GLYR1: variants seen among roughly 807,000 people sequenced by gnomAD.
GLYR1 encodes the protein cytokine-like nuclear factor N-PAC.
A neutral mutation model predicts 72.7 loss-of-function variants in GLYR1; 21 were observed. That is an observed-to-expected ratio of 0.29 (90% CI 0.20 to 0.42). GLYR1 has a LOEUF of 0.42. Ranked by LOEUF, GLYR1 falls within the 10% of genes least tolerant of loss-of-function variation. GLYR1 has a pLI of 1.00. For missense variants in GLYR1, 594 were observed against 712.1 expected, an observed-to-expected ratio of 0.83 and a Z score of 1.89; for synonymous variants, 392 against 270.2, an observed-to-expected ratio of 1.45 and a Z score of -4.42.
rs781087981 is a variant in GLYR1, at chr16:4,805,211, G to C, written c.*25C>G. 2 of 1,607,816 alleles carry C rather than the reference G, an allele frequency of 1.2e-6. No homozygotes were observed. Among genetic ancestry groups the C allele is most frequent in the Non-Finnish European group, 8.5e-7 (1 of 1,174,844 alleles). Reference sequence around the variant, plus strand: ...AGAGGGGGTCAGAGGGGGGATTGGAGGGGTGAGGGCGGGGTGTCGACAGCT... The same window carrying C: ...AGAGGGGGTCAGAGGGGGGATTGGACGGGTGAGGGCGGGGTGTCGACAGCT... On this transcript the variant is annotated 3_prime_UTR_variant, in exon 16 of 16. Transcript: ENST00000321919.
chr16:4,833,197 T>C (rs776208374), intron 3 of GLYR1: 4 of 260,848 alleles, frequency 1.5e-5, no homozygotes, highest in Non-Finnish European at 2.9e-5. Context: ...ATTTCCACAA[T>C]CGTCTATCAG....
chr16:4,837,172 C>G (rs1215212181), intron 3 of GLYR1, among the ~76,000 whole-genome samples: 1 of 152,204 alleles, frequency 6.6e-6, no homozygotes, highest in East Asian at 1.9e-4. Flanking sequence ...TGCGGTGGCT[C>G]ATGCCTGAAT....
At chr16:4,807,276 T>G (rs2083048753) in intron 15 of GLYR1, among the ~76,000 whole-genome samples, 1 of 151,918 alleles carries the variant, frequency 6.6e-6, no homozygotes. Flanking sequence ...TATGCCCGGC[T>G]AATTTTTGGT....
chr16:4,822,359 TTA>T (rs2084089222), intron 7 of GLYR1, among the ~76,000 whole-genome samples: 1 of 152,006 alleles, frequency 6.6e-6, no homozygotes, highest in African/African-American at 2.4e-5. Context: ...AGTGCTGGGA[TTA>T]TAGGCATGAG....
At chr16:4,812,032 A>C (rs1171730463) in intron 13 of GLYR1, 54 bp downstream of exon 13, 1 of 1,580,436 alleles carries the variant, frequency 6.3e-7, no homozygotes, top group African/African-American at 1.4e-5. Flanking sequence ...CATCAGTGTG[A>C]AACAGAGGAG....
intron 12 of GLYR1, among the ~76,000 whole-genome samples, chr16:4,812,815 G>A (rs1265005048): frequency 6.8e-6 from 1 of 147,346 alleles, no homozygotes. Context: ...TTGTTTTTTT[G>A]AGACAGAGTC....
intron 10 of GLYR1, among the ~76,000 whole-genome samples, chr16:4,817,312 G>A (rs1289908599): frequency 6.6e-6 from 1 of 151,840 alleles, no homozygotes; most frequent in African/African-American, 2.4e-5. Flanking sequence ...GTAGAGACGG[G>A]GTTTCACCGT....
At chr16:4,809,574 T>G (rs2083206671) in intron 15 of GLYR1, among the ~76,000 whole-genome samples, 2 of 146,750 alleles carry the variant, frequency 1.4e-5, no homozygotes, top group South Asian at 4.3e-4. Flanking sequence ...ATCGTGCCAC[T>G]GTACTCCAGC....
intron 3 of GLYR1, among the ~76,000 whole-genome samples, chr16:4,838,918 G>C (rs182446975): frequency 6.6e-6 from 1 of 152,076 alleles, no homozygotes; most frequent in African/African-American, 2.4e-5. Context: ...ACAGGGTCCT[G>C]CTCTGTCACC....
intron 1 of GLYR1, chr16:4,846,913 G>A (rs2086164686): frequency 4.7e-6 from 2 of 429,838 alleles, no homozygotes; most frequent in Admixed American, 4.6e-5. Flanking sequence ...CCCGGGGACC[G>A]GTCGTCCGGG....
rs188316334 is a variant in GLYR1 at position 4,829,159 on chromosome 16, C to T, written c.537+2820G>A. 8.5e-5 allele frequency among the ~76,000 whole-genome samples: 13 copies of T among 152,190 alleles called. No homozygotes were observed. In the East Asian group the frequency reaches 1.9e-3, roughly 23 times the overall value. Reference sequence around the variant, plus strand: ...ACCCTTGCTCTCACCACTCCCTCAGCCTGAGGTCATCTAACAGTGAGAAGG... The same window carrying T: ...ACCCTTGCTCTCACCACTCCCTCAGTCTGAGGTCATCTAACAGTGAGAAGG... On this transcript the variant is annotated intron_variant, in intron 5 of 15. Coordinates refer to ENST00000321919, the MANE Select transcript of GLYR1 (RefSeq NM_032569.4).
intron 3 of GLYR1, among the ~76,000 whole-genome samples, chr16:4,840,602 A>C (rs759017532): frequency 2.0e-5 from 3 of 152,082 alleles, no homozygotes; most frequent in Non-Finnish European, 4.4e-5. Context: ...TCCATACTTA[A>C]AGGCATCCTG....
intron 3 of GLYR1, chr16:4,839,671 G>A (rs2085403759): frequency 6.6e-6 from 1 of 152,184 alleles, no homozygotes; most frequent in Admixed American, 6.5e-5. Flanking sequence ...AGGAAGGTCT[G>A]GCCCTCTCCT....
chr16:4,822,803 G>A (rs765911952), intron 7 of GLYR1, 72 bp downstream of exon 7: 20 of 1,307,996 alleles, frequency 1.5e-5, no homozygotes, highest in Non-Finnish European at 2.0e-5. Context: ...AGATGGCCAG[G>A]CCAGGACCCA....
At chr16:4,826,560 T>C (rs2084390421) in intron 5 of GLYR1, among the ~76,000 whole-genome samples, 2 of 152,250 alleles carry the variant, frequency 1.3e-5, no homozygotes, top group Non-Finnish European at 2.9e-5. Context: ...TATGCTGCTT[T>C]CTCTCCAGGC....
intron 2 of GLYR1, among the ~76,000 whole-genome samples, chr16:4,845,512 A>G (rs372494271): frequency 6.6e-6 from 1 of 152,016 alleles, no homozygotes; most frequent in African/African-American, 2.4e-5. Context: ...CCCTGCTCCA[A>G]TGTGACCCCA....
At chr16:4,821,623 A>AC (rs752308126) in intron 7 of GLYR1, 26 bp from the exon 8 acceptor site, 2 of 1,606,732 alleles carry the variant, frequency 1.2e-6, no homozygotes, top group Admixed American at 3.3e-5. Context: ...GAAAGAGACT[A>AC]CTTGTGCTAC....
chr16:4,814,670 C>G (rs73515167), intron 10 of GLYR1, 23 bp from the exon 11 acceptor site: 1 of 1,557,898 alleles, frequency 6.4e-7, no homozygotes, highest in Admixed American at 1.7e-5. Flanking sequence ...CAGATCCTAA[C>G]GTGAGCTGCA....
At chr16:4,847,204 G>C (rs746159067) in intron 1 of GLYR1, 24 bp downstream of exon 1, 50 of 1,595,732 alleles carry the variant, frequency 3.1e-5, no homozygotes, top group Non-Finnish European at 1.5e-5. Context: ...GCGCGTCTCG[G>C]TTGGCCCGGC....
Sources: gnomAD v4.1 joint callset for allele counts (sites outside exome capture counted in the v4.1 genomes callset) on GRCh38, gnomAD v4.1.1 for gene constraint, MANE v1.5 for transcripts, NCBI Gene and HGNC (gene_info 2026-07-23, HGNC 2026-07-21) for gene names.